The following ASXL3 variants were observed in gnomAD, a reference collection of about 807,000 sequenced individuals.
ASXL3 encodes the protein ASXL transcriptional regulator 3.
Under a neutral mutation model 170.6 loss-of-function variants are expected in ASXL3, and 34 were observed. The ratio of observed to expected loss-of-function variants is 0.20; its 90% CI spans 0.15 to 0.27. The LOEUF (loss-of-function observed/expected upper bound fraction) is 0.27, where lower values mean the gene tolerates loss of function less well. Among genes scored for constraint, ASXL3 ranks in the 10% least tolerant of loss-of-function variants. The pLI is 1.00. For synonymous variants in ASXL3, 1,002 were observed against 989.1 expected, an observed-to-expected ratio of 1.01 and a Z score of -0.24; for missense variants, 2,592 against 2,695.3, an observed-to-expected ratio of 0.96 and a Z score of 0.85.
intron 1 of ASXL3, among the ~76,000 whole-genome samples, chr18:33,604,628 C>T (rs2065224484): frequency 6.6e-6 from 1 of 151,922 alleles, no homozygotes; most frequent in Non-Finnish European, 1.5e-5. Flanking sequence ...CAGCGTTATG[C>T]AGTTTCTTCT....
At chr18:33,608,045 C>T (rs950342035) in intron 2 of ASXL3, among the ~76,000 whole-genome samples, 1 of 151,980 alleles carries the variant, frequency 6.6e-6, no homozygotes, top group Non-Finnish European at 1.5e-5. Flanking sequence ...TAAAGATGAG[C>T]TCACTTTGAT....
Position 33,743,105 on chromosome 18 carries a change from C to T in ASXL3, c.3257C>T (p.Ala1086Val), listed in dbSNP as rs2067692841. 6.2e-7 allele frequency: 1 copy of T among 1,613,482 alleles called. No homozygotes were observed. The highest frequency in any genetic ancestry group is 8.5e-7 in the Non-Finnish European group (1 of 1,179,754). ...VAAAASIVSG[A>V]MGSPGEGGKT... is the part of the protein sequence containing the mutation. ...GCTGCAGCGAGCATTGTCTCTGGAGCCATGGGAAGTCCAGGAGAGGGTGGA... is the reference window on the plus strand; with the variant it reads ...GCTGCAGCGAGCATTGTCTCTGGAGTCATGGGAAGTCCAGGAGAGGGTGGA... Residue 1086 changes from alanine to valine, a missense_variant, in exon 12 of 12, where the codon GCC (alanine) becomes GTC (valine). Ala to Val is a moderately conservative substitution (Grantham distance 64). This residue lies in a region of ASXL3 where 2,246 missense variants were observed against 2,219.6 expected (regional missense o/e 1.01). Transcript: ENST00000269197.
At chr18:33,617,267 G>A (rs530269553) in intron 2 of ASXL3, among the ~76,000 whole-genome samples, 4 of 152,192 alleles carry the variant, frequency 2.6e-5, no homozygotes, top group South Asian at 2.1e-4. Flanking sequence ...TGGGGTGGGC[G>A]TATTGCTTAA....
intron 8 of ASXL3, among the ~76,000 whole-genome samples, chr18:33,686,931 A>G (rs1352545114): frequency 1.3e-5 from 2 of 152,354 alleles, no homozygotes; most frequent in East Asian, 3.9e-4. Flanking sequence ...GACAGCAGAA[A>G]GATAAGACAC....
intron 2 of ASXL3, among the ~76,000 whole-genome samples, chr18:33,643,144 A>G (rs2065869927): frequency 6.6e-6 from 1 of 151,920 alleles, no homozygotes; most frequent in Non-Finnish European, 1.5e-5. Context: ...TAAAACTCCA[A>G]AAATCTGGCA....
chr18:33,708,946 T>A (rs1290320226), intron 8 of ASXL3, among the ~76,000 whole-genome samples: 2 of 152,216 alleles, frequency 1.3e-5, no homozygotes, highest in Admixed American at 6.5e-5. Context: ...CACTCATTAA[T>A]GCTAATAATT....
At chr18:33,623,144 C>G (rs1167197155) in intron 2 of ASXL3, among the ~76,000 whole-genome samples, 1 of 152,148 alleles carries the variant, frequency 6.6e-6, no homozygotes, top group Admixed American at 6.6e-5. Flanking sequence ...CACATAGCAC[C>G]TCCTTGTGAA....
intron 5 of ASXL3, among the ~76,000 whole-genome samples, chr18:33,667,412 A>G (rs1568315204): frequency 6.6e-6 from 1 of 152,208 alleles, no homozygotes; most frequent in Non-Finnish European, 1.5e-5. Context: ...AATCCTGAAT[A>G]TAAGTCCTCG....
At chr18:33,588,555 C>T (rs922887951) in intron 1 of ASXL3, among the ~76,000 whole-genome samples, 1 of 152,024 alleles carries the variant, frequency 6.6e-6, no homozygotes, top group Non-Finnish European at 1.5e-5. Context: ...TGACTCCATG[C>T]TTATTGCATG....
intron 5 of ASXL3, among the ~76,000 whole-genome samples, chr18:33,662,469 A>G (rs2066189457): frequency 2.0e-5 from 3 of 152,304 alleles, no homozygotes; most frequent in South Asian, 4.1e-4. Flanking sequence ...AGCTGAGGTA[A>G]TAGGATGAAA....
chr18:33,644,963 C>T lies in ASXL3; in HGVS notation c.207C>T (p.Phe69=), dbSNP rs542189048. 2 of 1,578,012 alleles carry T rather than the reference C, an allele frequency of 1.3e-6. No individual in the cohort carries two copies. Among genetic ancestry groups the T allele is most frequent in the Admixed American group, 3.6e-5 (2 of 55,772 alleles). The change falls in exon 3 of 12, where the codon TTC becomes TTT. Residue 69 remains phenylalanine (F), a synonymous_variant. Transcript: ENST00000269197. The stretch of plus-strand genomic sequence containing the variant: ...ACACTCGAATAGGGGATGGAACATT[C>T]TTCAAAATCCCTGGAAAGTCAGGCC... ...HTNTRIGDGT[F]FKIPGKSGLY...
chr18:33,607,601 A>G lies in ASXL3; in HGVS notation c.62A>G (p.Glu21Gly), dbSNP rs202002253. ...TWAEAARLAL[E>G]KHPNSPMTAK... ...CTTATGTTTATATTTTAGGCACTAG[A>G]AAAACACCCCAACTCACCAATGACA... The change falls in exon 2 of 12, where the codon GAA (glutamate) becomes GGA (glycine). Residue 21 changes from glutamate (E) to glycine (G), a missense_variant. By Grantham distance (98) the Glu-to-Gly change is moderately conservative. Around this residue, in one of 4 missense-constraint regions of ASXL3, gnomAD observed 251 missense variants for 281.9 expected, o/e 0.89. Transcript: ENST00000269197. 58 of 1,584,186 alleles carry G rather than the reference A, an allele frequency of 3.7e-5. No homozygotes were observed. The highest frequency in any genetic ancestry group is 3.6e-5 in the Non-Finnish European group (42 of 1,164,156).
In ASXL3 at chr18:33,578,361, C is replaced by T. The variant is rs1273414182; in HGVS notation, c.-271C>T. On this transcript the variant is annotated 5_prime_UTR_variant, in exon 1 of 12. Transcript: ENST00000269197. Reference sequence around the variant, plus strand: ...CCCCTGGCCCGGGCCCCGCTGCTGCCGCCGCCCCCGCCCCCGGCCCGCCCG... The same window carrying T: ...CCCCTGGCCCGGGCCCCGCTGCTGCTGCCGCCCCCGCCCCCGGCCCGCCCG... The T allele has an allele frequency of 3.8e-5, 5 of 130,790 alleles. No individual in the cohort carries two copies. The highest frequency in any genetic ancestry group is 2.5e-4 in the South Asian group (1 of 4,072). 8.1% of individuals were successfully genotyped at this position (130,790 alleles called of 1,614,324 possible). A position where few individuals can be genotyped will look rare whatever the true frequency, so the allele number is the denominator to read the frequency against.
chr18:33,579,704 A>G (rs2064977142), intron 1 of ASXL3, among the ~76,000 whole-genome samples: 1 of 152,124 alleles, frequency 6.6e-6, no homozygotes, highest in Non-Finnish European at 1.5e-5. Context: ...AATGCCAGGC[A>G]TTACATTTGA....
At position 33,727,804 on chromosome 18, in the gene ASXL3, G is replaced by A. The variant is rs116390321; in HGVS notation, c.880-4164G>A. ...TCTTAAAACCCATAAAATTAATCGTGTATTTAAAACACTTTATTGGCATTT... is the reference window on the plus strand; with the variant it reads ...TCTTAAAACCCATAAAATTAATCGTATATTTAAAACACTTTATTGGCATTT... On this transcript the variant is annotated intron_variant, in intron 8 of 11. Transcript: ENST00000269197. 5.3e-3 allele frequency among the ~76,000 whole-genome samples: 801 copies of A among 152,222 alleles called. 7 individuals carry two copies. The highest frequency in any genetic ancestry group is 0.019 in the African/African-American group (771 of 41,556).
intron 8 of ASXL3, among the ~76,000 whole-genome samples, chr18:33,715,221 T>TG (rs1599533746): frequency 6.6e-6 from 1 of 152,318 alleles, no homozygotes. Context: ...TAATTTATCT[T>TG]GAGTCTACTT....
intron 2 of ASXL3, among the ~76,000 whole-genome samples, chr18:33,618,752 T>C (rs1047461449): frequency 2.6e-5 from 4 of 152,274 alleles, no homozygotes; most frequent in Non-Finnish European, 4.4e-5. Flanking sequence ...CTGTGAAGCA[T>C]ATCTTAAGCC....
At chr18:33,719,451 C>T (rs1336711379) in intron 8 of ASXL3, among the ~76,000 whole-genome samples, 2 of 152,018 alleles carry the variant, frequency 1.3e-5, no homozygotes, top group African/African-American at 2.4e-5. Flanking sequence ...ATTGTATTTC[C>T]AGCATCTAGC....
chr18:33,709,801 C>T (rs1241464856), intron 8 of ASXL3, among the ~76,000 whole-genome samples: 4 of 152,190 alleles, frequency 2.6e-5, no homozygotes, highest in Non-Finnish European at 4.4e-5. Context: ...AATGACTATT[C>T]TTCCGCCCTA....
Sources: allele counts gnomAD v4.1 joint callset (sites outside exome capture counted in the v4.1 genomes callset), GRCh38; gene constraint gnomAD v4.1.1; regional missense constraint gnomAD v4.1.1; transcripts MANE v1.5; gene names NCBI Gene and HGNC (gene_info 2026-07-23, HGNC 2026-07-21).